CCN4: variants seen among roughly 807,000 people sequenced by gnomAD.
The protein encoded by CCN4 is CCN family member 4.
In CCN4, 30 loss-of-function variants were observed where a neutral mutation model predicts 36.7. The ratio of observed to expected loss-of-function variants is 0.82; its 90% CI spans 0.61 to 1.11. CCN4 has a LOEUF of 1.11. CCN4 is among the 50% of genes least tolerant of loss of function. The pLI, the probability that CCN4 is intolerant of heterozygous loss-of-function variation, is 0.00. For missense variants in CCN4, 505 were observed against 504.9 expected, an observed-to-expected ratio of 1.00 and a Z score of 0.00; for synonymous variants, 191 against 195.4, an observed-to-expected ratio of 0.98 and a Z score of 0.19.
intron 3 of CCN4, among the ~76,000 whole-genome samples, chr8:133,224,298 G>A (rs929621784): frequency 5.7e-5 from 8 of 141,286 alleles, no homozygotes; most frequent in African/African-American, 1.6e-4. Flanking sequence ...TGGAGTGCAC[G>A]GGCACGATCT....
rs960072965 is a variant in CCN4 at position 133,229,431 on chromosome 8, A to G, written c.*1721A>G. On this transcript the variant is annotated 3_prime_UTR_variant, in exon 5 of 5. Transcript: ENST00000250160. ...CTTAAGCATCCAAAATACATGGGAC[A>G]CACAAAAATCCAGGAATCCCCTGTA... is the stretch of plus-strand genomic sequence containing the variant. 2.8e-4 allele frequency: 43 copies of G among 152,234 alleles called. 1 individual carries two copies. Among genetic ancestry groups the G allele is most frequent in the African/African-American group, 1.0e-3 (42 of 41,462 alleles). The allele number at this position is 152,234 out of a possible 1,614,324, so 9.4% of individuals were successfully genotyped here. A position where few individuals can be genotyped will look rare whatever the true frequency, so the allele number is the denominator to read the frequency against.
chr8:133,206,661 C>G (rs1406956316), intron 1 of CCN4, among the ~76,000 whole-genome samples: 1 of 152,134 alleles, frequency 6.6e-6, no homozygotes, highest in Non-Finnish European at 1.5e-5. Flanking sequence ...TTCCAAGCAG[C>G]TGAAGCCCCA....
rs142900759 is a variant in CCN4 at position 133,193,973 on chromosome 8, C to T, written c.69+2760C>T. ...TCGGCCGCACTAAGTCCCGTTGCAC[C>T]TCAGACCTCACTTTCCTCGTTTGTT... On this transcript the variant is annotated intron_variant, in intron 1 of 4. Transcript: ENST00000250160. 2.4e-4 allele frequency among the ~76,000 whole-genome samples: 37 copies of T among 152,294 alleles called. No homozygotes were observed. In the East Asian group the frequency reaches 6.2e-3, roughly 25 times the overall value.
chr8:133,213,407 G>C (rs1854140556), intron 2 of CCN4, among the ~76,000 whole-genome samples: 1 of 152,150 alleles, frequency 6.6e-6, no homozygotes, highest in African/African-American at 2.4e-5. Context: ...CCAGGGAAGA[G>C]GGAGACGCCA....
Position 133,231,068 on chromosome 8 carries a change from A to G in CCN4, c.*3358A>G, listed in dbSNP as rs1854943692. The G allele has an allele frequency of 6.6e-6, 1 of 152,226 alleles. No individual in the cohort carries two copies. The highest frequency in any genetic ancestry group is 2.1e-4 in the South Asian group (1 of 4,832). 9.4% of individuals were successfully genotyped at this position (152,226 alleles called of 1,614,324 possible). ...CTTTATAAGAGGCGCTTTACTGACA[A>G]TAGCTGCAATTTTAACTTTGAAAAT... On this transcript the variant is annotated 3_prime_UTR_variant, in exon 5 of 5. Transcript: ENST00000250160.
chr8:133,195,423 T>C (rs950655632), intron 1 of CCN4, among the ~76,000 whole-genome samples: 2 of 151,936 alleles, frequency 1.3e-5, no homozygotes, highest in African/African-American at 4.8e-5. Flanking sequence ...TGGCAAAATA[T>C]CCCCTTTAGA....
chr8:133,214,359 G>A (rs1341628677), intron 2 of CCN4, among the ~76,000 whole-genome samples: 2 of 151,302 alleles, frequency 1.3e-5, no homozygotes, highest in African/African-American at 4.9e-5. Context: ...ATAATATTAT[G>A]ACCAGGTAAA....
chr8:133,222,419 A>T (rs961939379), intron 3 of CCN4, among the ~76,000 whole-genome samples: 6 of 152,110 alleles, frequency 3.9e-5, no homozygotes, highest in African/African-American at 1.4e-4. Flanking sequence ...AGTTTAAGGC[A>T]GAGTGCCCTG....
chr8:133,194,473 GT>G (rs2130517471), intron 1 of CCN4, among the ~76,000 whole-genome samples: 2 of 109,606 alleles, frequency 1.8e-5, no homozygotes, highest in African/African-American at 7.6e-5. Context: ...TGGGGTGTGT[GT>G]GTGTGTGGTG....
At chr8:133,223,201 C>G (rs771656603) in intron 3 of CCN4, among the ~76,000 whole-genome samples, 3 of 152,178 alleles carry the variant, frequency 2.0e-5, no homozygotes, top group Non-Finnish European at 2.9e-5. Flanking sequence ...GAGGGCCACA[C>G]GAGGGTCACG....
rs1473229732 is a variant in CCN4, at chr8:133,229,067, C to T, written c.*1357C>T. 3 of 152,190 alleles carry T rather than the reference C, an allele frequency of 2.0e-5. No individual in the cohort carries two copies. Among genetic ancestry groups the T allele is most frequent in the Non-Finnish European group, 4.4e-5 (3 of 68,028 alleles). The allele number at this position is 152,190 out of a possible 1,614,324, so 9.4% of individuals were successfully genotyped here. On this transcript the variant is annotated 3_prime_UTR_variant, in exon 5 of 5. Coordinates refer to ENST00000250160, the MANE Select transcript of CCN4 (RefSeq NM_003882.4). ...GGCCTTTTCTGTGCCAGACATTGCT[C>T]TCAGTGCTTTGCATGTATTAGCTCA...
At chr8:133,205,414 T>A (rs981757129) in intron 1 of CCN4, among the ~76,000 whole-genome samples, 1 of 152,194 alleles carries the variant, frequency 6.6e-6, no homozygotes, top group Admixed American at 6.5e-5. Flanking sequence ...TAGACAACAC[T>A]CTCCTTGACT....
At chr8:133,205,198 G>A (rs991626786) in intron 1 of CCN4, among the ~76,000 whole-genome samples, 1 of 152,242 alleles carries the variant, frequency 6.6e-6, no homozygotes, top group African/African-American at 2.4e-5. Flanking sequence ...CATCTTGCCA[G>A]CAGAAGCACC....
At chr8:133,226,634 T>C (rs1215972661) in intron 4 of CCN4, among the ~76,000 whole-genome samples, 1 of 152,216 alleles carries the variant, frequency 6.6e-6, no homozygotes, top group Non-Finnish European at 1.5e-5. Flanking sequence ...CTGAGTGAGA[T>C]GGCTCTACCA....
At chr8:133,191,295 G>C in intron 1 of CCN4, 82 bp downstream of exon 1, 2 of 1,464,486 alleles carry the variant, frequency 1.4e-6, no homozygotes, top group Non-Finnish European at 1.8e-6. Flanking sequence ...TGGTGGGCAG[G>C]ATGAAAAGGG....
chr8:133,193,133 A>G (rs1853176991), intron 1 of CCN4, among the ~76,000 whole-genome samples: 1 of 152,250 alleles, frequency 6.6e-6, no homozygotes, highest in Non-Finnish European at 1.5e-5. Flanking sequence ...TCCATTTGGA[A>G]ACCAGCCTTG....
In CCN4 at chr8:133,191,102, C is replaced by T; in HGVS notation, c.-43C>T. On this transcript the variant is annotated 5_prime_UTR_variant, in exon 1 of 5. Transcript: ENST00000250160. The stretch of plus-strand genomic sequence containing the variant: ...AGCTCCCCCGAGAGGTGGTCGGATC[C>T]TCTGGGCTGCTCGGTCGATGCCTGT... The T allele has an allele frequency of 1.9e-6, 3 of 1,601,054 alleles. No individual in the cohort carries two copies. The highest frequency in any genetic ancestry group is 2.2e-5 in the East Asian group (1 of 44,770).
intron 1 of CCN4, among the ~76,000 whole-genome samples, chr8:133,210,378 A>G (rs990262002): frequency 7.0e-6 from 1 of 143,692 alleles, no homozygotes; most frequent in Non-Finnish European, 1.5e-5. Flanking sequence ...CCCAAAGTCA[A>G]AAAGAGGGGT....
intron 1 of CCN4, among the ~76,000 whole-genome samples, chr8:133,198,355 G>A (rs1451966937): frequency 6.6e-6 from 1 of 152,094 alleles, no homozygotes; most frequent in Non-Finnish European, 1.5e-5. Context: ...GTGTAGCTGT[G>A]TTTCTGGCCC....
Sources: gnomAD v4.1 joint callset for allele counts (sites outside exome capture counted in the v4.1 genomes callset) on GRCh38, gnomAD v4.1.1 for gene constraint, MANE v1.5 for transcripts, NCBI Gene and HGNC (gene_info 2026-07-23, HGNC 2026-07-21) for gene names.